CLIC6: variants seen among roughly 807,000 people sequenced by gnomAD.
CLIC6 encodes the protein chloride intracellular channel protein 6.
Under a neutral mutation model 49.2 loss-of-function variants are expected in CLIC6, and 39 were observed. The ratio of observed to expected loss-of-function variants is 0.79; its 90% CI spans 0.61 to 1.04. CLIC6 has a LOEUF of 1.04. Among genes scored for constraint, CLIC6 ranks in the 50% least tolerant of loss-of-function variants. The pLI is 0.00. For synonymous variants in CLIC6, 446 were observed against 433.4 expected (o/e 1.03, Z -0.36); for missense variants, 988 against 993.1 (o/e 0.99, Z 0.07).
intron 1 of CLIC6, among the ~76,000 whole-genome samples, chr21:34,675,979 C>T (rs915893857): frequency 5.3e-5 from 8 of 151,558 alleles, no homozygotes; most frequent in Non-Finnish European, 8.8e-5. Flanking sequence ...CATGTGCACA[C>T]ATCACAGCTC....
At position 34,703,018 on chromosome 21, in the gene CLIC6, T is replaced by TGA. The variant is rs1272693767; in HGVS notation, c.1375-4262_1375-4261insGA. On this transcript the variant is annotated intron_variant, in intron 1 of 5. Coordinates refer to ENST00000349499, the MANE Select transcript of CLIC6 (RefSeq NM_053277.3). The stretch of plus-strand genomic sequence containing the variant: ...CACGCTGGAATGGAGCGGCCCATTA[T>TGA]CACTCACTCACTCTCCACATCCTGC... Among the ~76,000 whole-genome samples the TGA allele has an allele frequency of 2.7e-5, 4 of 148,174 alleles. No homozygotes were observed. In the East Asian group the frequency reaches 7.8e-4, roughly 29 times the overall value.
In CLIC6 at chr21:34,715,184, C is replaced by T. The variant is rs569200942; in HGVS notation, c.1900-1137C>T. ...CAGGAGGCAGCAAAGCCCAACTGGC[C>T]TTTATGGCTCTGGGTCTCCACTTCA... On this transcript the variant is annotated intron_variant, in intron 5 of 5. Transcript: ENST00000349499. Among the ~76,000 whole-genome samples, 9 of 152,352 alleles carry T rather than the reference C, an allele frequency of 5.9e-5. No individual in the cohort carries two copies. In the East Asian group the frequency reaches 1.7e-3, roughly 29 times the overall value.
chr21:34,706,009 C>G, intron 1 of CLIC6: 1 of 675,912 alleles, frequency 1.5e-6, no homozygotes, highest in South Asian at 1.7e-5. Context: ...TTTTAACATT[C>G]TTTTCTTTTG....
chr21:34,680,179 A>G (rs1166471686), intron 1 of CLIC6, among the ~76,000 whole-genome samples: 5 of 152,258 alleles, frequency 3.3e-5, no homozygotes, highest in African/African-American at 1.2e-4. Flanking sequence ...CTAAACCTCA[A>G]TTATTGACTT....
At position 34,669,631 on chromosome 21, in the gene CLIC6, C is replaced by T; in HGVS notation, c.243C>T (p.Gly81=). ...AEARGTRGAH[G]ETEAEEGAPE... ...CGCGGGGCACGAGGGGGGCGCACGG[C>T]GAGACTGAGGCCGAGGAGGGAGCCC... Residue 81 remains glycine (G), a synonymous_variant, in exon 1 of 6, where the codon GGC becomes GGT. Transcript: ENST00000349499. 7.8e-7 allele frequency: 1 copy of T among 1,287,338 alleles called. No individual in the cohort carries two copies. The highest frequency in any genetic ancestry group is 1.5e-5 in the African/African-American group (1 of 64,606). 79.7% of individuals were successfully genotyped at this position (1,287,338 alleles called of 1,614,324 possible). A position where few individuals can be genotyped will look rare whatever the true frequency, so the allele number is the denominator to read the frequency against.
At chr21:34,698,656 A>C (rs956747585) in intron 1 of CLIC6, among the ~76,000 whole-genome samples, 1 of 152,206 alleles carries the variant, frequency 6.6e-6, no homozygotes, top group Non-Finnish European at 1.5e-5. Context: ...CTTATCCAGC[A>C]CTAAGAGGTA....
At chr21:34,702,294 C>G (rs1483284371) in intron 1 of CLIC6, among the ~76,000 whole-genome samples, 1 of 152,144 alleles carries the variant, frequency 6.6e-6, no homozygotes. Context: ...GTCCCAGGAC[C>G]GTCTGCAGGG....
intron 1 of CLIC6, among the ~76,000 whole-genome samples, chr21:34,688,778 G>A (rs2145805955): frequency 6.6e-6 from 1 of 152,280 alleles, no homozygotes; most frequent in Middle Eastern, 3.4e-3. Context: ...CCTTCTCTAA[G>A]GGAGACTTGA....
intron 1 of CLIC6, among the ~76,000 whole-genome samples, chr21:34,698,548 G>A (rs1990131617): frequency 6.6e-6 from 1 of 152,118 alleles, no homozygotes; most frequent in Non-Finnish European, 1.5e-5. Context: ...AAGACAGACG[G>A]AAGGGAGGAT....
chr21:34,714,692 C>CAAAAAAAAAA (rs77701951), intron 5 of CLIC6, among the ~76,000 whole-genome samples: 1 of 85,820 alleles, frequency 1.2e-5, no homozygotes. Context: ...CTCAAAAAAA[C>CAAAAAAAAAA]AAAAAAAAAA....
In CLIC6 at chr21:34,675,948, G is replaced by C. The variant is rs552741726; in HGVS notation, c.1374+5186G>C. ...GGTTACAGGATGCTGGTGGCTTTGGGAATTTGAAGCTCTTTCCTGCCATGT... is the reference window on the plus strand; with the variant it reads ...GGTTACAGGATGCTGGTGGCTTTGGCAATTTGAAGCTCTTTCCTGCCATGT... On this transcript the variant is annotated intron_variant, in intron 1 of 5. Coordinates refer to ENST00000349499, the MANE Select transcript of CLIC6 (RefSeq NM_053277.3). 2.0e-5 allele frequency among the ~76,000 whole-genome samples: 3 copies of C among 152,328 alleles called. No individual in the cohort carries two copies. In the South Asian group the frequency reaches 6.2e-4, roughly 32 times the overall value.
Position 34,669,434 on chromosome 21 carries a change from G to A in CLIC6, c.46G>A (p.Gly16Arg), listed in dbSNP as rs1989479920. ...GGAGGGGGTTGCCCCGGGTCCCCAG[G>A]GGCCGCCGGAGGTCCCCGCGCCTCT... Reference protein sequence around the residue: ...EPEGVAPGPQGPPEVPAPLAE... With the variant: ...EPEGVAPGPQRPPEVPAPLAE... The change falls in exon 1 of 6, where the codon GGG becomes AGG. Residue 16 changes from glycine (G) to arginine (R), a missense_variant. Coordinates refer to ENST00000349499, the MANE Select transcript of CLIC6 (RefSeq NM_053277.3). 6.5e-6 allele frequency: 8 copies of A among 1,234,590 alleles called. No homozygotes were observed. In the South Asian group the frequency reaches 2.4e-4, roughly 37 times the overall value. 76.5% of individuals were successfully genotyped at this position (1,234,590 alleles called of 1,614,324 possible).
Position 34,707,387 on chromosome 21 carries a change from A to G in CLIC6, c.1482A>G (p.Lys494=). The change falls in exon 2 of 6, where the codon AAA becomes AAG. Residue 494 remains lysine (K), a splice_region_variant and synonymous_variant. Coordinates refer to ENST00000349499, the MANE Select transcript of CLIC6 (RefSeq NM_053277.3). Reference sequence around the variant, plus strand: ...TTAATGTGACCACAGTGGACCTGAAAAGGTAAGACAAGGCGTCTGCCTTAC... The same window carrying G: ...TTAATGTGACCACAGTGGACCTGAAGAGGTAAGACAAGGCGTCTGCCTTAC... ...VIFNVTTVDL[K]RKPADLQNLA... is the part of the protein sequence containing the mutation. 6.3e-7 allele frequency: 1 copy of G among 1,581,700 alleles called. No individual in the cohort carries two copies. The highest frequency in any genetic ancestry group is 1.3e-5 in the African/African-American group (1 of 74,232).
At chr21:34,710,872 C>T (rs1010519716) in intron 5 of CLIC6, among the ~76,000 whole-genome samples, 8 of 152,230 alleles carry the variant, frequency 5.3e-5, no homozygotes, top group African/African-American at 1.4e-4. Context: ...TGTAAGTCCC[C>T]GACCCACTGC....
intron 1 of CLIC6, among the ~76,000 whole-genome samples, chr21:34,705,245 T>A (rs561011109): frequency 3.9e-5 from 6 of 152,196 alleles, no homozygotes; most frequent in African/African-American, 1.2e-4. Context: ...CCTGCAGTAG[T>A]TAAGAAAGTT....
At position 34,674,331 on chromosome 21, in the gene CLIC6, A is replaced by T. The variant is rs1370674814; in HGVS notation, c.1374+3569A>T. Among the ~76,000 whole-genome samples the T allele has an allele frequency of 2.6e-5, 4 of 151,984 alleles. No individual in the cohort carries two copies. The East Asian group carries it at 5.8e-4, about 22-fold the overall frequency. On this transcript the variant is annotated intron_variant, in intron 1 of 5. Coordinates refer to ENST00000349499, the MANE Select transcript of CLIC6 (RefSeq NM_053277.3). The stretch of plus-strand genomic sequence containing the variant: ...GGTCTCGAACTCCTGGGCTCAAGTG[A>T]CCCTCCCACTCTGGCGTTTCAAAGT...
At chr21:34,699,403 C>G (rs980198171) in intron 1 of CLIC6, among the ~76,000 whole-genome samples, 1 of 147,718 alleles carries the variant, frequency 6.8e-6, no homozygotes, top group Admixed American at 6.8e-5. Context: ...AGGCGCATGT[C>G]ACCATACCTG....
At chr21:34,713,149 TG>T (rs1568972774) in intron 5 of CLIC6, among the ~76,000 whole-genome samples, 2 of 149,990 alleles carry the variant, frequency 1.3e-5, no homozygotes, top group Non-Finnish European at 3.0e-5. Context: ...AAGAAGGGGG[TG>T]GGGGGAGGAA....
chr21:34,701,974 T>C (rs1461331391), intron 1 of CLIC6, among the ~76,000 whole-genome samples: 1 of 151,092 alleles, frequency 6.6e-6, no homozygotes, highest in African/African-American at 2.4e-5. Flanking sequence ...GTGGGTGATC[T>C]CTTAGTAGTG....
Sources: gnomAD v4.1 joint callset for allele counts (sites outside exome capture counted in the v4.1 genomes callset) on GRCh38, gnomAD v4.1.1 for gene constraint, MANE v1.5 for transcripts, NCBI Gene and HGNC (gene_info 2026-07-23, HGNC 2026-07-21) for gene names.